Variants in BANK1 observed in about 807,000 individuals in gnomAD.
BANK1 encodes the protein B cell scaffold protein with ankyrin repeats 1.
A neutral mutation model predicts 94.5 loss-of-function variants in BANK1; 95 were observed. The ratio of observed to expected loss-of-function variants is 1.00; its 90% confidence interval spans 0.85 to 1.19. The LOEUF is 1.19. BANK1 is among the 50% of genes most tolerant of loss of function. BANK1 has a pLI of 0.00. For missense variants in BANK1, 987 were observed against 932.2 expected (o/e 1.06, Z -0.77); for synonymous variants, 334 against 308.4 (o/e 1.08, Z -0.87).
At chr4:101,869,285 AT>A (rs1284189454) in intron 4 of BANK1, among the ~76,000 whole-genome samples, 1 of 151,944 alleles carries the variant, frequency 6.6e-6, no homozygotes, top group African/African-American at 2.4e-5. Context: ...AATTGATTTC[AT>A]TTGACTCCAA....
chr4:101,958,557 C>G (rs985074101), intron 7 of BANK1, among the ~76,000 whole-genome samples: 1 of 144,268 alleles, frequency 6.9e-6, no homozygotes, highest in Non-Finnish European at 1.5e-5. Context: ...TCCAGAATTT[C>G]AAAGGACTAC....
intron 5 of BANK1, among the ~76,000 whole-genome samples, chr4:101,875,424 G>C (rs942928609): frequency 6.6e-6 from 1 of 152,228 alleles, no homozygotes; most frequent in East Asian, 1.9e-4. Context: ...TGGCGGGAGA[G>C]GCCTCAGGAA....
intron 7 of BANK1, among the ~76,000 whole-genome samples, chr4:101,947,600 A>C (rs761317526): frequency 6.6e-6 from 1 of 151,720 alleles, no homozygotes; most frequent in Non-Finnish European, 1.5e-5. Flanking sequence ...AGTGTTTGCA[A>C]ATTTATTCTT....
chr4:101,917,897 A>T, intron 6 of BANK1, 96 bp from the exon 7 acceptor site: 1 of 822,480 alleles, frequency 1.2e-6, no homozygotes, highest in South Asian at 2.8e-5. Context: ...GCTGTGCTTT[A>T]TGGGAATTAC....
rs145638745 is a variant in BANK1 at position 101,950,880 on chromosome 4, C to A, written c.1206+32691C>A. On this transcript the variant is annotated intron_variant, in intron 7 of 16. Coordinates refer to ENST00000322953, the MANE Select transcript of BANK1 (RefSeq NM_017935.5). ...AGGTCTTCCGCCCCAAAACTCATAACCTCAGTCTAATCATGAGAAAAACAT... is the reference window on the plus strand; with the variant it reads ...AGGTCTTCCGCCCCAAAACTCATAAACTCAGTCTAATCATGAGAAAAACAT... Among the ~76,000 whole-genome samples the A allele has an allele frequency of 1.0e-3, 153 of 152,224 alleles. 1 individual carries two copies. The highest frequency in any genetic ancestry group is 3.4e-3 in the African/African-American group (141 of 41,554).
intron 7 of BANK1, among the ~76,000 whole-genome samples, chr4:101,973,767 A>G (rs1486063766): frequency 6.6e-6 from 1 of 152,044 alleles, no homozygotes; most frequent in Non-Finnish European, 1.5e-5. Flanking sequence ...ATGGAAACAA[A>G]AGTAATATTA....
At chr4:101,836,123 G>A (rs754667052) in intron 2 of BANK1, among the ~76,000 whole-genome samples, 21 of 151,848 alleles carry the variant, frequency 1.4e-4, no homozygotes, top group Non-Finnish European at 2.5e-4. Context: ...TATATTCTCC[G>A]TAACTATTTT....
Position 102,021,606 on chromosome 4 carries a change from T to C in BANK1, c.1285+14T>C. ...CATATATTCCTTGTAAGTTTTTCCA[T>C]GTTATATATATATATGACATATTCA... On this transcript the variant is annotated intron_variant, in intron 8 of 16. Transcript: ENST00000322953. The C allele has an allele frequency of 1.8e-6, 2 of 1,132,120 alleles. No individual in the cohort carries two copies. The highest frequency in any genetic ancestry group is 2.5e-6 in the Non-Finnish European group (2 of 811,548). The allele number at this position is 1,132,120 out of a possible 1,614,324, so 70.1% of individuals were successfully genotyped here. A position where few individuals can be genotyped will look rare whatever the true frequency, so the allele number is the denominator to read the frequency against.
chr4:101,826,459 CTAATT>C (rs1174971005), intron 1 of BANK1, among the ~76,000 whole-genome samples: 2 of 151,774 alleles, frequency 1.3e-5, no homozygotes, highest in African/African-American at 4.8e-5. Flanking sequence ...ACATAGAGAC[CTAATT>C]TATTTTAAAT....
At chr4:101,934,376 G>A (rs756018489) in intron 7 of BANK1, among the ~76,000 whole-genome samples, 8 of 151,318 alleles carry the variant, frequency 5.3e-5, no homozygotes, top group African/African-American at 1.5e-4. Context: ...AAGAAGCTAC[G>A]ATGAGAAACA....
chr4:101,826,112 G>C lies in BANK1; in HGVS notation c.71-3696G>C, dbSNP rs1025442167. Among the ~76,000 whole-genome samples, 6 of 152,010 alleles carry C rather than the reference G, an allele frequency of 3.9e-5. No homozygotes were observed. In the East Asian group the frequency reaches 1.2e-3, roughly 29 times the overall value. ...TTCTTCATAGATTACTCTACTGTTA[G>C]AGTACATGATATGTTCTGTTTCCTC... On this transcript the variant is annotated intron_variant, in intron 1 of 16. Coordinates refer to ENST00000322953, the MANE Select transcript of BANK1 (RefSeq NM_017935.5).
intron 7 of BANK1, among the ~76,000 whole-genome samples, chr4:101,992,391 G>T (rs1048293559): frequency 2.0e-5 from 3 of 152,092 alleles, no homozygotes; most frequent in African/African-American, 7.2e-5. Context: ...TCATGGCATA[G>T]GAAATATGGG....
chr4:101,894,563 T>G (rs1396342794), intron 5 of BANK1, among the ~76,000 whole-genome samples: 1 of 152,078 alleles, frequency 6.6e-6, no homozygotes, highest in Non-Finnish European at 1.5e-5. Flanking sequence ...TTAGAAACTT[T>G]TGTTCCACAG....
chr4:101,960,642 G>A (rs1724533759), intron 7 of BANK1, among the ~76,000 whole-genome samples: 1 of 152,080 alleles, frequency 6.6e-6, no homozygotes, highest in Non-Finnish European at 1.5e-5. Flanking sequence ...GATGGTTAGT[G>A]GCATCTGTCT....
At chr4:102,040,067 TA>T in intron 10 of BANK1, among the ~76,000 whole-genome samples, 1 of 152,184 alleles carries the variant, frequency 6.6e-6, no homozygotes, top group East Asian at 1.9e-4. Flanking sequence ...TCAGATTTTC[TA>T]AGAAGGGCAG....
At position 102,060,396 on chromosome 4, in the gene BANK1, T is replaced by C; in HGVS notation, c.2148+7T>C. The stretch of plus-strand genomic sequence containing the variant: ...CCTGGAAATGATTCAGCAGGTAATA[T>C]TGGCCCAGTGTTTTCTGGGACATTC... On this transcript the variant is annotated splice_region_variant and intron_variant, in intron 12 of 16. Coordinates refer to ENST00000322953, the MANE Select transcript of BANK1 (RefSeq NM_017935.5). 6.3e-7 allele frequency: 1 copy of C among 1,596,760 alleles called. No individual in the cohort carries two copies. Among genetic ancestry groups the C allele is most frequent in the Non-Finnish European group, 8.5e-7 (1 of 1,173,912 alleles).
intron 5 of BANK1, among the ~76,000 whole-genome samples, chr4:101,889,604 C>CA (rs59341810): frequency 0.5 from 27,482 of 54,552 alleles, 7,446 homozygotes; most frequent in African/African-American, 0.54. Flanking sequence ...GACTCCGTCT[C>CA]AAAAAAAAAA....
rs531914205 is a variant in BANK1 at position 101,801,898 on chromosome 4, A to G, written c.70+10948A>G. On this transcript the variant is annotated intron_variant, in intron 1 of 16. Transcript: ENST00000322953. ...TTTTAACACTCATTGTGTCAAATAT[A>G]CTTTTCTTTCATAGCTTCTGTTTCT... is the stretch of plus-strand genomic sequence containing the variant. Among the ~76,000 whole-genome samples the G allele has an allele frequency of 9.8e-5, 15 of 152,326 alleles. 1 individual carries two copies. The East Asian group carries it at 1.3e-3, about 14-fold the overall frequency.
chr4:102,014,310 C>A (rs997658978), intron 7 of BANK1, among the ~76,000 whole-genome samples: 3 of 152,088 alleles, frequency 2.0e-5, no homozygotes, highest in African/African-American at 7.2e-5. Flanking sequence ...TGCTCTTTGC[C>A]ATTTGCATAT....
Sources: allele counts gnomAD v4.1 joint callset (sites outside exome capture counted in the v4.1 genomes callset), GRCh38; gene constraint gnomAD v4.1.1; transcripts MANE v1.5; gene names NCBI Gene and HGNC (gene_info 2026-07-23, HGNC 2026-07-21).